Variants in PGM5 observed in about 807,000 individuals in gnomAD.
PGM5 encodes the protein phosphoglucomutase-like protein 5.
PGM5 carries 23 observed loss-of-function variants against 59.2 expected under a neutral mutation model. That is an observed-to-expected ratio of 0.39 (90% CI 0.28 to 0.55). The LOEUF is 0.55. Among genes scored for constraint, PGM5 ranks in the 20% least tolerant of loss-of-function variants. PGM5 has a pLI of 0.66. For missense variants in PGM5, 574 were observed against 748.3 expected (o/e 0.77, Z 2.72); for synonymous variants, 214 against 286.0 (o/e 0.75, Z 2.54).
At chr9:68,524,615 T>G (rs541677225) in intron 10 of PGM5, among the ~76,000 whole-genome samples, 1 of 152,174 alleles carries the variant, frequency 6.6e-6, no homozygotes, top group Non-Finnish European at 1.5e-5. Flanking sequence ...TGAGAACACC[T>G]CTTCTCCCAC....
chr9:68,463,823 T>C (rs181911500), intron 6 of PGM5, among the ~76,000 whole-genome samples: 10 of 152,154 alleles, frequency 6.6e-5, no homozygotes, highest in Admixed American at 1.3e-4. Context: ...GCAGACAGTC[T>C]CTGACATATG....
intron 4 of PGM5, among the ~76,000 whole-genome samples, chr9:68,390,096 G>A (rs1256119485): frequency 6.6e-6 from 1 of 151,890 alleles, no homozygotes; most frequent in East Asian, 1.9e-4. Context: ...TTGGCTTTCT[G>A]GCATATTTAA....
At chr9:68,421,044 G>A (rs7037746) in intron 6 of PGM5, among the ~76,000 whole-genome samples, 4 of 152,202 alleles carry the variant, frequency 2.6e-5, no homozygotes, top group Admixed American at 6.5e-5. Context: ...CTAGGTCGAC[G>A]AATAATGTGT....
chr9:68,421,348 C>T (rs1554682328), intron 6 of PGM5, among the ~76,000 whole-genome samples: 1 of 152,144 alleles, frequency 6.6e-6, no homozygotes, highest in Non-Finnish European at 1.5e-5. Context: ...TATAGATGGT[C>T]TCTCTTCTGT....
At chr9:68,434,651 C>G (rs1823416318) in intron 6 of PGM5, among the ~76,000 whole-genome samples, 1 of 152,024 alleles carries the variant, frequency 6.6e-6, no homozygotes, top group Non-Finnish European at 1.5e-5. Flanking sequence ...ACTAAAAACA[C>G]AAAGTTTGGC....
At chr9:68,528,623 C>A (rs999889375) in intron 10 of PGM5, among the ~76,000 whole-genome samples, 2 of 151,736 alleles carry the variant, frequency 1.3e-5, no homozygotes, top group African/African-American at 2.4e-5. Flanking sequence ...AAAACAATAC[C>A]ACTTGATAAA....
chr9:68,478,811 T>C (rs1824145425), intron 7 of PGM5, among the ~76,000 whole-genome samples: 1 of 152,236 alleles, frequency 6.6e-6, no homozygotes. Flanking sequence ...AACTTAATTG[T>C]ATCTGCAAAG....
chr9:68,435,467 G>C (rs1564005091), intron 6 of PGM5, among the ~76,000 whole-genome samples: 1 of 152,066 alleles, frequency 6.6e-6, no homozygotes, highest in East Asian at 1.9e-4. Context: ...TCTACTTCCT[G>C]TCTCTGTAGA....
intron 6 of PGM5, among the ~76,000 whole-genome samples, chr9:68,464,349 A>G (rs1044850061): frequency 6.6e-6 from 1 of 152,212 alleles, no homozygotes; most frequent in African/African-American, 2.4e-5. Context: ...AACACAGAGA[A>G]GTTGGATTGA....
rs1193217738 is a variant in PGM5, at chr9:68,437,354, T to C, written c.1044-27739T>C. On this transcript the variant is annotated intron_variant, in intron 6 of 10. Transcript: ENST00000396396. The surrounding 1 kb of genome is among the most constrained non-coding windows in gnomAD (Gnocchi z 4.1). ...AGAAAAGGAAGCTTGGCAACTTTCG[T>C]GAAATGGTGTGCCTTAAAGAGGAAG... Among the ~76,000 whole-genome samples, 1 of 152,208 alleles carries C rather than the reference T, an allele frequency of 6.6e-6. No individual in the cohort carries two copies. Among genetic ancestry groups the C allele is most frequent in the East Asian group, 1.9e-4 (1 of 5,200 alleles).
In PGM5 at chr9:68,417,422, C is replaced by T. The variant is rs1046059782; in HGVS notation, c.1043+24949C>T. ...TCTTGAGCTGTACTTCCCCTGGGCC[C>T]GGGGGACGTGTGAAATGCTTGTGTT... On this transcript the variant is annotated intron_variant, in intron 6 of 10. Coordinates refer to ENST00000396396, the MANE Select transcript of PGM5 (RefSeq NM_021965.4). 7.2e-5 allele frequency among the ~76,000 whole-genome samples: 11 copies of T among 151,986 alleles called. No individual in the cohort carries two copies. In the East Asian group the frequency reaches 1.2e-3, roughly 16 times the overall value.
intron 6 of PGM5, among the ~76,000 whole-genome samples, chr9:68,407,441 C>T (rs527872097): frequency 1.6e-4 from 24 of 152,266 alleles, no homozygotes; most frequent in South Asian, 4.1e-4. Flanking sequence ...CCCCTATTGC[C>T]TTTTGATCCG....
intron 1 of PGM5, among the ~76,000 whole-genome samples, chr9:68,375,924 G>A (rs1821869327): frequency 1.3e-5 from 2 of 152,338 alleles, no homozygotes; most frequent in South Asian, 2.1e-4. Context: ...AAATGCAAGG[G>A]CCCTGAGGCC....
chr9:68,357,086 C>T lies in PGM5; in HGVS notation c.-42C>T, dbSNP rs1382368018. 61 of 1,442,994 alleles carry T rather than the reference C, an allele frequency of 4.2e-5. No individual in the cohort carries two copies. Among genetic ancestry groups the T allele is most frequent in the South Asian group, 1.1e-4 (8 of 69,746 alleles). The allele number at this position is 1,442,994 out of a possible 1,614,324, so 89.4% of individuals were successfully genotyped here. ...AGGCCCCCGGCAGGCTGCAGATTCC[C>T]TCCGGCTCCGGGAGCCGCAGCAGGA... On this transcript the variant is annotated 5_prime_UTR_variant, in exon 1 of 11. Coordinates refer to ENST00000396396, the MANE Select transcript of PGM5 (RefSeq NM_021965.4).
intron 6 of PGM5, among the ~76,000 whole-genome samples, chr9:68,463,534 T>A (rs1277746061): frequency 6.6e-6 from 1 of 152,086 alleles, no homozygotes; most frequent in Non-Finnish European, 1.5e-5. Context: ...TGAGGAGAAA[T>A]TAAGCAGATC....
chr9:68,527,896 T>C (rs562802451), intron 10 of PGM5, among the ~76,000 whole-genome samples: 1 of 152,334 alleles, frequency 6.6e-6, no homozygotes, highest in East Asian at 1.9e-4. Context: ...ATTAAAACCT[T>C]ACACCTCACT....
intron 10 of PGM5, among the ~76,000 whole-genome samples, chr9:68,504,874 T>G (rs1824631179): frequency 6.6e-6 from 1 of 152,224 alleles, no homozygotes; most frequent in Non-Finnish European, 1.5e-5. Context: ...GACCATTAAT[T>G]ACTTTGGAAT....
At chr9:68,443,718 T>A (rs1410491425) in intron 6 of PGM5, among the ~76,000 whole-genome samples, 1 of 152,148 alleles carries the variant, frequency 6.6e-6, no homozygotes, top group Admixed American at 6.5e-5. Context: ...CAGTAGAGAG[T>A]CTGAGAGTCC....
chr9:68,380,196 C>T (rs1196251429), intron 2 of PGM5, among the ~76,000 whole-genome samples: 3 of 151,566 alleles, frequency 2.0e-5, no homozygotes, highest in Admixed American at 6.6e-5. Flanking sequence ...ATATGTTAGG[C>T]CACAAAATAA....
Sources: allele counts gnomAD v4.1 joint callset (sites outside exome capture counted in the v4.1 genomes callset), GRCh38; gene constraint gnomAD v4.1.1; non-coding constraint Gnocchi (gnomAD v3.1); transcripts MANE v1.5; gene names NCBI Gene and HGNC (gene_info 2026-07-23, HGNC 2026-07-21).